CTNNA2: variants seen among roughly 807,000 people sequenced by gnomAD.
CTNNA2 encodes catenin alpha 2.
Under a neutral mutation model 101.0 loss-of-function variants are expected in CTNNA2, and 42 were observed. The ratio of observed to expected loss-of-function variants is 0.42; its 90% CI spans 0.32 to 0.54. CTNNA2 has a LOEUF of 0.54. Ranked by LOEUF, CTNNA2 falls within the 20% of genes least tolerant of loss-of-function variation. The probability of loss-of-function intolerance (pLI) is 0.14; values close to 1 mark genes in which losing one functional copy is unlikely to be tolerated. For synonymous variants in CTNNA2, 450 were observed against 456.4 expected, an observed-to-expected ratio of 0.99 and a Z score of 0.18; for missense variants, 871 against 1,223.1, an observed-to-expected ratio of 0.71 and a Z score of 4.29.
intron 9 of CTNNA2, among the ~76,000 whole-genome samples, chr2:80,539,321 T>TTG (rs1558564443): frequency 3.3e-5 from 4 of 122,496 alleles, no homozygotes; most frequent in African/African-American, 1.2e-4. Flanking sequence ...CTTTTTTTTT[T>TTG]TTGTTGTTGT....
intron 3 of CTNNA2, among the ~76,000 whole-genome samples, chr2:79,342,596 G>A (rs1573099199): frequency 6.6e-6 from 1 of 151,978 alleles, no homozygotes; most frequent in African/African-American, 2.4e-5. Flanking sequence ...ATTATCTAGG[G>A]GTACATTTGC....
chr2:80,309,386 T>C (rs970378890), intron 7 of CTNNA2, among the ~76,000 whole-genome samples: 5 of 152,194 alleles, frequency 3.3e-5, no homozygotes, highest in Non-Finnish European at 7.3e-5. Flanking sequence ...CTGAACTCCA[T>C]TAGCAGCTTA....
intron 3 of CTNNA2, among the ~76,000 whole-genome samples, chr2:79,824,878 GTTT>G (rs1678295453): frequency 6.6e-6 from 1 of 151,916 alleles, no homozygotes; most frequent in African/African-American, 2.4e-5. Flanking sequence ...CTTGTGTTTT[GTTT>G]TTATACTTTT....
At chr2:80,003,947 C>T (rs886475098) in intron 7 of CTNNA2, among the ~76,000 whole-genome samples, 1 of 152,174 alleles carries the variant, frequency 6.6e-6, no homozygotes, top group African/African-American at 2.4e-5. Flanking sequence ...TTGGGCATCA[C>T]CCTGTCATCT....
At position 79,935,340 on chromosome 2, in the gene CTNNA2, TTCTC is replaced by T. The variant is rs1157251125; in HGVS notation, c.1056+25553_1056+25556del. Among the ~76,000 whole-genome samples the T allele has an allele frequency of 4.8e-4, 72 of 150,202 alleles. 1 individual carries two copies. Among genetic ancestry groups the T allele is most frequent in the Non-Finnish European group, 3.4e-4 (23 of 67,730 alleles). On this transcript the variant is annotated intron_variant, in intron 7 of 18. Transcript: ENST00000402739. ...TCTGCCCAGAGCCCGTATTTCTTCT[TTCTC>T]TCTCTCTCTTTTTTTTTTTTTAACT... is the stretch of plus-strand genomic sequence containing the variant.
chr2:79,319,321 G>A (rs1233814888), intron 3 of CTNNA2, among the ~76,000 whole-genome samples: 1 of 152,088 alleles, frequency 6.6e-6, no homozygotes, highest in Admixed American at 6.6e-5. Flanking sequence ...ATTACCTAAG[G>A]ATGGCTCACA....
At chr2:79,606,056 T>C (rs1416359599) in intron 1 of CTNNA2, among the ~76,000 whole-genome samples, 2 of 152,110 alleles carry the variant, frequency 1.3e-5, no homozygotes, top group South Asian at 2.1e-4. Flanking sequence ...AAAGGAAACA[T>C]AAAGCATTTT....
At chr2:79,848,730 A>C (rs1680439802) in intron 3 of CTNNA2, among the ~76,000 whole-genome samples, 1 of 152,204 alleles carries the variant, frequency 6.6e-6, no homozygotes, top group South Asian at 2.1e-4. Context: ...TGATAGGGCA[A>C]ATATTACATT....
intron 2 of CTNNA2, among the ~76,000 whole-genome samples, chr2:79,716,366 G>A (rs929561087): frequency 6.6e-6 from 1 of 152,152 alleles, no homozygotes; most frequent in African/African-American, 2.4e-5. Flanking sequence ...TTGCTGCACA[G>A]ATCATTCCAG....
At chr2:79,409,016 T>C (rs564132131) in intron 4 of CTNNA2, among the ~76,000 whole-genome samples, 4 of 152,140 alleles carry the variant, frequency 2.6e-5, no homozygotes, top group African/African-American at 7.2e-5. Context: ...TGGTATCTCA[T>C]TGTGGTTTTG....
At chr2:80,567,680 T>G (rs1694177738) in intron 12 of CTNNA2, among the ~76,000 whole-genome samples, 2 of 152,156 alleles carry the variant, frequency 1.3e-5, no homozygotes, top group Non-Finnish European at 2.9e-5. Context: ...GGCCCCACAG[T>G]GATCCTCCAA....
At chr2:79,827,277 A>G (rs1678523102) in intron 3 of CTNNA2, among the ~76,000 whole-genome samples, 1 of 152,116 alleles carries the variant, frequency 6.6e-6, no homozygotes, top group Non-Finnish European at 1.5e-5. Flanking sequence ...ACCTCAGGTG[A>G]TCCACCCGCC....
At chr2:79,705,024 A>G (rs1468445516) in intron 2 of CTNNA2, among the ~76,000 whole-genome samples, 1 of 152,140 alleles carries the variant, frequency 6.6e-6, no homozygotes, top group African/African-American at 2.4e-5. Flanking sequence ...ACATTTGTCA[A>G]TGTCTAGTAA....
At chr2:80,386,455 G>A (rs191160910) in intron 7 of CTNNA2, among the ~76,000 whole-genome samples, 1 of 152,116 alleles carries the variant, frequency 6.6e-6, no homozygotes, top group African/African-American at 2.4e-5. Flanking sequence ...AATGTTCAAG[G>A]TTCTATAAAT....
intron 3 of CTNNA2, among the ~76,000 whole-genome samples, chr2:79,351,498 G>A (rs1677386221): frequency 6.6e-6 from 1 of 152,092 alleles, no homozygotes; most frequent in Non-Finnish European, 1.5e-5. Context: ...TATATTACAT[G>A]ATGCTGAGAT....
chr2:79,191,581 A>C (rs546425117), intron 1 of CTNNA2, among the ~76,000 whole-genome samples: 1 of 152,314 alleles, frequency 6.6e-6, no homozygotes, highest in East Asian at 1.9e-4. Context: ...AACTTATCAC[A>C]AAATCTATAA....
intron 7 of CTNNA2, among the ~76,000 whole-genome samples, chr2:80,384,225 A>G (rs1676781745): frequency 6.6e-6 from 1 of 152,126 alleles, no homozygotes; most frequent in Non-Finnish European, 1.5e-5. Flanking sequence ...TACTATGCTT[A>G]GTGTCTAGTG....
intron 6 of CTNNA2, among the ~76,000 whole-genome samples, chr2:79,902,180 A>G (rs914429903): frequency 2.0e-5 from 3 of 152,192 alleles, no homozygotes; most frequent in South Asian, 4.1e-4. Flanking sequence ...TGGCTGTTGC[A>G]TTGATTCCCT....
At chr2:79,281,364 A>C (rs1267000984) in intron 2 of CTNNA2, 1 of 152,078 alleles carries the variant, frequency 6.6e-6, no homozygotes, top group Non-Finnish European at 1.5e-5. Flanking sequence ...GAGAGCACTG[A>C]TTCCTCCCCT....
Sources: gnomAD v4.1 joint callset for allele counts (sites outside exome capture counted in the v4.1 genomes callset) on GRCh38, gnomAD v4.1.1 for gene constraint, MANE v1.5 for transcripts, NCBI Gene and HGNC (gene_info 2026-07-23, HGNC 2026-07-21) for gene names.